SDK1: variants seen among roughly 807,000 people sequenced by gnomAD.
SDK1 encodes protein sidekick-1.
A neutral mutation model predicts 245.5 loss-of-function variants in SDK1; 157 were observed. The observed-to-expected ratio is 0.64, with a 90% CI of 0.56 to 0.73. The LOEUF (loss-of-function observed/expected upper bound fraction) is 0.73. SDK1 is among the 30% of genes least tolerant of loss of function. The pLI, the probability that SDK1 is intolerant of heterozygous loss-of-function variation, is 0.00. For missense variants in SDK1, 3,583 were observed against 3,002.3 expected (o/e 1.19, Z -4.52); for synonymous variants, 1,647 against 1,278.5 (o/e 1.29, Z -6.15).
chr7:3,444,049 G>A (rs1780274110), intron 1 of SDK1, among the ~76,000 whole-genome samples: 1 of 152,242 alleles, frequency 6.6e-6, no homozygotes, highest in Admixed American at 6.5e-5. Flanking sequence ...CTTCCTGCCT[G>A]CGCCAGCTCT....
rs59830553 is a variant in SDK1, at chr7:3,597,271, C to CAAA, written c.299-21790_299-21788dup. Reference sequence around the variant, plus strand: ...TGGTCGACAGAGTAAGACTTGGTCTCAAAAAAAAAAAAAAAAAAAAAGAGG... The same window carrying CAAA: ...TGGTCGACAGAGTAAGACTTGGTCTCAAAAAAAAAAAAAAAAAAAAAAAAGAGG... On this transcript the variant is annotated intron_variant, in intron 1 of 44. Transcript: ENST00000404826. 4.6e-4 allele frequency among the ~76,000 whole-genome samples: 41 copies of CAAA among 89,414 alleles called. No homozygotes were observed. The South Asian group carries it at 0.012, about 25-fold the overall frequency. The allele number at this position is 89,414 out of a possible 152,430, so 58.7% of individuals were successfully genotyped here. A position where few individuals can be genotyped will look rare whatever the true frequency, so the allele number is the denominator to read the frequency against.
chr7:4,219,799 TCCCCCG>T (rs1228019175), intron 38 of SDK1, among the ~76,000 whole-genome samples: 1 of 135,146 alleles, frequency 7.4e-6, no homozygotes, highest in Admixed American at 7.4e-5. Context: ...CCGCCCCCCT[TCCCCCG>T]CCCCCGCTCC....
chr7:3,469,884 A>C (rs1351695892), intron 1 of SDK1, among the ~76,000 whole-genome samples: 2 of 152,228 alleles, frequency 1.3e-5, no homozygotes, highest in Non-Finnish European at 2.9e-5. Context: ...CTCTGAATTA[A>C]GACATACGAA....
chr7:3,561,139 C>T (rs1779738391), intron 1 of SDK1, among the ~76,000 whole-genome samples: 1 of 152,160 alleles, frequency 6.6e-6, no homozygotes, highest in Non-Finnish European at 1.5e-5. Flanking sequence ...GGGAGAAAGG[C>T]ACCTGTTACC....
At chr7:3,847,328 C>T (rs1403057960) in intron 5 of SDK1, among the ~76,000 whole-genome samples, 2 of 152,194 alleles carry the variant, frequency 1.3e-5, no homozygotes, top group African/African-American at 4.8e-5. Flanking sequence ...CCTAGAAATC[C>T]TGGGATGGTC....
Position 3,826,875 on chromosome 7 carries a change from G to T in SDK1, c.847+5292G>T, listed in dbSNP as rs565806534. Among the ~76,000 whole-genome samples the T allele has an allele frequency of 9.9e-5, 15 of 152,246 alleles. No individual in the cohort carries two copies. The South Asian group carries it at 1.9e-3, about 19-fold the overall frequency. ...TTTCGTTTCTGCGCCCCAAATGGATGGATTGGGGAATGAGTTTTAGAAGAG... is the reference window on the plus strand; with the variant it reads ...TTTCGTTTCTGCGCCCCAAATGGATTGATTGGGGAATGAGTTTTAGAAGAG... On this transcript the variant is annotated intron_variant, in intron 5 of 44. Transcript: ENST00000404826.
chr7:3,393,049 C>T (rs1781801381), intron 1 of SDK1, among the ~76,000 whole-genome samples: 1 of 138,432 alleles, frequency 7.2e-6, no homozygotes, highest in Admixed American at 8.2e-5. Flanking sequence ...CAGCTCACTG[C>T]AATCTCCGCC....
intron 17 of SDK1, among the ~76,000 whole-genome samples, chr7:4,033,267 C>CA (rs1483720087): frequency 6.6e-6 from 1 of 152,012 alleles, no homozygotes; most frequent in African/African-American, 2.4e-5. Flanking sequence ...GGAAAAAATA[C>CA]AAAACTGTAT....
intron 8 of SDK1, among the ~76,000 whole-genome samples, chr7:3,962,002 T>C (rs1038392769): frequency 7.9e-5 from 12 of 151,394 alleles, no homozygotes; most frequent in South Asian, 2.1e-4. Flanking sequence ...CACACACACA[T>C]ACACACATGT....
chr7:4,116,095 C>T (rs925911826), intron 25 of SDK1, among the ~76,000 whole-genome samples: 6 of 152,188 alleles, frequency 3.9e-5, no homozygotes, highest in South Asian at 2.1e-4. Context: ...GGCTCCCGGG[C>T]CTGGCCTGTC....
chr7:3,826,465 A>G (rs545115948), intron 5 of SDK1, among the ~76,000 whole-genome samples: 1 of 152,312 alleles, frequency 6.6e-6, no homozygotes, highest in South Asian at 2.1e-4. Flanking sequence ...GCTTCTACTA[A>G]CGACACAAGT....
In SDK1 at chr7:4,049,060, G is replaced by A. The variant is rs369166157; in HGVS notation, c.2603-288G>A. ...GAGATTAGAGAAAGCTTTGCTTGCC[G>A]TCCGTCTTGGAACCACAGGAAAGGC... On this transcript the variant is annotated intron_variant, in intron 17 of 44. Coordinates refer to ENST00000404826, the MANE Select transcript of SDK1 (RefSeq NM_152744.4). Among the ~76,000 whole-genome samples the A allele has an allele frequency of 3.9e-5, 6 of 152,260 alleles. No individual in the cohort carries two copies. In the East Asian group the frequency reaches 5.8e-4, roughly 15 times the overall value.
chr7:3,718,932 A>G (rs1187105836), intron 4 of SDK1, among the ~76,000 whole-genome samples: 2 of 152,248 alleles, frequency 1.3e-5, no homozygotes, highest in African/African-American at 2.4e-5. Flanking sequence ...AGCTTGCAGT[A>G]TACAAAATCA....
chr7:4,245,611 A>G, intron 43 of SDK1, 65 bp from the exon 44 acceptor site: 1 of 1,581,172 alleles, frequency 6.3e-7, no homozygotes, highest in South Asian at 1.1e-5. Flanking sequence ...ATGCCAGGTT[A>G]GGAGTCCTCC....
rs778331334 is a variant in SDK1, at chr7:4,051,714, A to G, written c.2795A>G (p.His932Arg). ...TIAPDFHGVHHGHITNLKKFT... is the reference protein window; with the variant it reads ...TIAPDFHGVHRGHITNLKKFT... ...GCCCCAGATTTCCACGGAGTCCACC[A>G]TGGACACATAACGAACCTGAAGAAG... Residue 932 changes from histidine (H) to arginine (R), a missense_variant, in exon 19 of 45, where the codon CAT (histidine) becomes CGT (arginine). Transcript: ENST00000404826. 1.9e-6 allele frequency: 3 copies of G among 1,613,958 alleles called. No homozygotes were observed. The highest frequency in any genetic ancestry group is 2.5e-6 in the Non-Finnish European group (3 of 1,179,936).
chr7:3,988,879 C>T (rs928650764), intron 14 of SDK1, among the ~76,000 whole-genome samples: 1 of 152,170 alleles, frequency 6.6e-6, no homozygotes, highest in Non-Finnish European at 1.5e-5. Flanking sequence ...TCAAGCGATT[C>T]TTCTGCCTCA....
chr7:3,842,509 T>C (rs998193464), intron 5 of SDK1, among the ~76,000 whole-genome samples: 8 of 152,082 alleles, frequency 5.3e-5, no homozygotes, highest in Non-Finnish European at 8.8e-5. Context: ...GGTGAATTGG[T>C]GCCAGTGACC....
chr7:4,247,842 G>A (rs750989357), intron 44 of SDK1, among the ~76,000 whole-genome samples: 10 of 152,132 alleles, frequency 6.6e-5, no homozygotes, highest in Admixed American at 1.3e-4. Flanking sequence ...CTGACACCCA[G>A]CCAGACCCCC....
chr7:3,400,132 A>G (rs1778848596), intron 1 of SDK1, among the ~76,000 whole-genome samples: 1 of 151,700 alleles, frequency 6.6e-6, no homozygotes, highest in African/African-American at 2.4e-5. Context: ...TGGTGGCTAC[A>G]GGACTACACA....
Sources: allele counts gnomAD v4.1 joint callset (sites outside exome capture counted in the v4.1 genomes callset), GRCh38; gene constraint gnomAD v4.1.1; transcripts MANE v1.5; gene names NCBI Gene and HGNC (gene_info 2026-07-23, HGNC 2026-07-21).